PC: variants seen among roughly 807,000 people sequenced by gnomAD.
PC encodes pyruvate carboxylase, also known as pyruvate carboxylase, mitochondrial.
A neutral mutation model predicts 107.8 loss-of-function variants in PC; 46 were observed. The observed-to-expected ratio is 0.43, with a 90% CI of 0.34 to 0.55. The LOEUF (loss-of-function observed/expected upper bound fraction) is 0.55. Ranked by LOEUF, PC falls within the 20% of genes least tolerant of loss-of-function variation. The probability of loss-of-function intolerance (pLI) is 0.04; values close to 1 mark genes in which losing one functional copy is unlikely to be tolerated. For synonymous variants in PC, 662 were observed against 684.7 expected (o/e 0.97, Z 0.52); for missense variants, 1,241 against 1,643.1 (o/e 0.76, Z 4.23).
chr11:66,879,723 C>A (rs1947117679), intron 3 of PC, among the ~76,000 whole-genome samples: 1 of 152,164 alleles, frequency 6.6e-6, no homozygotes, highest in Non-Finnish European at 1.5e-5. Context: ...GATCCACAGC[C>A]CACAGCCTGC....
At chr11:66,935,408 C>T (rs572325738) in intron 3 of PC, among the ~76,000 whole-genome samples, 2 of 152,216 alleles carry the variant, frequency 1.3e-5, no homozygotes, top group African/African-American at 2.4e-5. Flanking sequence ...ACTGAAACAG[C>T]CTTGGGCAAC....
intron 3 of PC, among the ~76,000 whole-genome samples, chr11:66,906,872 C>T (rs1490175336): frequency 6.6e-6 from 1 of 152,248 alleles, no homozygotes; most frequent in Non-Finnish European, 1.5e-5. Context: ...GAGGTCTGGT[C>T]TCCCAAAATA....
At chr11:66,916,881 G>C (rs1382812055) in intron 3 of PC, among the ~76,000 whole-genome samples, 1 of 151,916 alleles carries the variant, frequency 6.6e-6, no homozygotes, top group African/African-American at 2.4e-5. Context: ...GTGAACCCGG[G>C]AGGCAGAGTT....
intron 12 of PC, among the ~76,000 whole-genome samples, chr11:66,854,678 C>T (rs1007569810): frequency 1.3e-5 from 2 of 152,160 alleles, no homozygotes; most frequent in South Asian, 4.1e-4. Context: ...TATTCATGAT[C>T]CCTGTCGGCA....
chr11:66,935,785 A>C (rs1948985001), intron 3 of PC, among the ~76,000 whole-genome samples: 1 of 152,186 alleles, frequency 6.6e-6, no homozygotes, highest in South Asian at 2.1e-4. Context: ...TTCCAGGGAA[A>C]ACTGGTTGAT....
At chr11:66,869,317 G>A (rs1463088669) in intron 9 of PC, among the ~76,000 whole-genome samples, 2 of 151,664 alleles carry the variant, frequency 1.3e-5, no homozygotes, top group South Asian at 2.1e-4. Context: ...ACCCAGACAC[G>A]GAGACCCAGG....
Position 66,858,496 on chromosome 11 carries a change from C to T in PC, c.1369-5113G>A, listed in dbSNP as rs763082444. On this transcript the variant is annotated intron_variant, in intron 12 of 22. Coordinates refer to ENST00000393960, the MANE Select transcript of PC (RefSeq NM_001040716.2). The surrounding 1 kb of genome is among the most constrained non-coding windows in gnomAD (Gnocchi z 5.9). Reference sequence around the variant, plus strand: ...CTGTGGCTGCGGCGGCTGGCGCGGCCGGACGACCTGGAAACGTGCGCCTCC... The same window carrying T: ...CTGTGGCTGCGGCGGCTGGCGCGGCTGGACGACCTGGAAACGTGCGCCTCC... 2 of 1,538,126 alleles carry T rather than the reference C, an allele frequency of 1.3e-6. No homozygotes were observed. Among genetic ancestry groups the T allele is most frequent in the Non-Finnish European group, 1.7e-6 (2 of 1,148,032 alleles).
intron 12 of PC, among the ~76,000 whole-genome samples, chr11:66,863,151 G>C (rs901668760): frequency 5.9e-5 from 9 of 152,140 alleles, no homozygotes; most frequent in Non-Finnish European, 1.0e-4. Flanking sequence ...AGACCAGCCT[G>C]GCCAATGTGA....
chr11:66,922,773 C>A (rs985893210), intron 3 of PC, among the ~76,000 whole-genome samples: 2 of 152,146 alleles, frequency 1.3e-5, no homozygotes, highest in African/African-American at 2.4e-5. Flanking sequence ...GAGGCTTCTG[C>A]ATCACTGAGA....
rs367990471 is a variant in PC, at chr11:66,849,561, C to A, written c.3147+50G>T. 1.4e-5 allele frequency: 23 copies of A among 1,613,458 alleles called. No individual in the cohort carries two copies. In the African/African-American group the frequency reaches 2.7e-4, roughly 19 times the overall value. ...GACAGCCAAGCTAAACTCCAGAGCT[C>A]TGGGGCAGGGGGCCAGGGTGGAGTG... On this transcript the variant is annotated intron_variant, in intron 21 of 22. Transcript: ENST00000393960.
At position 66,851,104 on chromosome 11, in the gene PC, AGTGAGTACTTGGTGCGGCTGG is replaced by A; in HGVS notation, c.2138_2158del (p.Pro713_Ser719del). On this transcript the variant is annotated inframe_deletion, in exon 17 of 23. Coordinates refer to ENST00000393960, the MANE Select transcript of PC (RefSeq NM_001040716.2). ...TTCGGCCAAGCCCATGTAGTACTGC[AGTGAGTACTTGGTGCGGCTGG>A]GGTCGGCCACGTCGCCCGTGTATGA... 1 of 1,613,308 alleles carries A rather than the reference AGTGAGTACTTGGTGCGGCTGG, an allele frequency of 6.2e-7. No individual in the cohort carries two copies. Among genetic ancestry groups the A allele is most frequent in the Non-Finnish European group, 8.5e-7 (1 of 1,179,956 alleles).
chr11:66,851,460 AG>A, intron 16 of PC, among the ~76,000 whole-genome samples, 180 bp from the exon 17 acceptor site: 1 of 152,200 alleles, frequency 6.6e-6, no homozygotes, highest in Non-Finnish European at 1.5e-5. Context: ...CAGGCCCTGG[AG>A]GATCAGCTAG....
At chr11:66,896,970 C>T (rs780068326) in intron 3 of PC, among the ~76,000 whole-genome samples, 3 of 152,104 alleles carry the variant, frequency 2.0e-5, no homozygotes, top group African/African-American at 7.2e-5. Context: ...TCACTCTTGT[C>T]GCCCAGGCTG....
rs763434878 is a variant in PC at position 66,850,241 on chromosome 11, C to G, written c.2697G>C (p.Gln899His). ...EVKKAYVEAN[Q>H]MLGDLIKVTP... ...TCACCTTGATGAGATCGCCCAGCATCTGGTTGGCCTCCACATAGGCCTTCT... is the reference window on the plus strand; with the variant it reads ...TCACCTTGATGAGATCGCCCAGCATGTGGTTGGCCTCCACATAGGCCTTCT... The change falls in exon 19 of 23, where the codon CAG becomes CAC. Residue 899 changes from glutamine (Q) to histidine (H), a missense_variant. Coordinates refer to ENST00000393960, the MANE Select transcript of PC (RefSeq NM_001040716.2). 35 of 1,613,962 alleles carry G rather than the reference C, an allele frequency of 2.2e-5. No homozygotes were observed. The highest frequency in any genetic ancestry group is 3.0e-5 in the Non-Finnish European group (35 of 1,180,032).
chr11:66,868,607 C>G (rs1946597002), intron 10 of PC, among the ~76,000 whole-genome samples: 1 of 152,220 alleles, frequency 6.6e-6, no homozygotes, highest in Non-Finnish European at 1.5e-5. Context: ...CGGCAGCGTC[C>G]TGACAGAGAG....
chr11:66,923,149 G>A (rs1245383994), intron 3 of PC, among the ~76,000 whole-genome samples: 2 of 151,992 alleles, frequency 1.3e-5, no homozygotes, highest in East Asian at 1.9e-4. Context: ...GGTGGATCAC[G>A]AGGTCAGGAG....
chr11:66,920,738 T>A (rs1031173248), intron 3 of PC, among the ~76,000 whole-genome samples: 1 of 152,146 alleles, frequency 6.6e-6, no homozygotes, highest in Non-Finnish European at 1.5e-5. Context: ...TGTAACATGT[T>A]CAGGACATGG....
At chr11:66,882,740 G>A (rs1016918648) in intron 3 of PC, among the ~76,000 whole-genome samples, 3 of 152,202 alleles carry the variant, frequency 2.0e-5, no homozygotes, top group African/African-American at 7.2e-5. Flanking sequence ...GGGCTGCGGC[G>A]GTGGCAGCTC....
At position 66,872,396 on chromosome 11, in the gene PC, G is replaced by T. The variant is rs142296495; in HGVS notation, c.1-237C>A. On this transcript the variant is annotated intron_variant, in intron 3 of 22. Transcript: ENST00000393960. The stretch of plus-strand genomic sequence containing the variant: ...CTGTGACTTTATTGTTGTAGAGACA[G>T]GGTCTCCCTATGTTGCCTAGGCTGG... 0.015 allele frequency among the ~76,000 whole-genome samples: 2,338 copies of T among 152,184 alleles called. 36 individuals are homozygous for T. The highest frequency in any genetic ancestry group is 0.043 in the South Asian group (205 of 4,822).
Sources: gnomAD v4.1 joint callset for allele counts (sites outside exome capture counted in the v4.1 genomes callset) on GRCh38, gnomAD v4.1.1 for gene constraint, Gnocchi (gnomAD v3.1) non-coding constraint, MANE v1.5 for transcripts, NCBI Gene and HGNC (gene_info 2026-07-23, HGNC 2026-07-21) for gene names.